The following SORBS2 variants were observed in gnomAD, a reference collection of about 807,000 sequenced individuals.
SORBS2 encodes sorbin and SH3 domain containing 2, also known as sorbin and SH3 domain-containing protein 2.
A neutral mutation model predicts 97.7 loss-of-function variants in SORBS2; 46 were observed. That is an observed-to-expected ratio of 0.47 (90% CI 0.37 to 0.60). SORBS2 has a LOEUF of 0.60. Ranked by LOEUF, SORBS2 falls within the 20% of genes least tolerant of loss-of-function variation. The pLI, the probability that SORBS2 is intolerant of heterozygous loss-of-function variation, is 0.00. For missense variants in SORBS2, 1,316 were observed against 1,282.3 expected, an observed-to-expected ratio of 1.03 and a Z score of -0.40; for synonymous variants, 476 against 473.4, an observed-to-expected ratio of 1.01 and a Z score of -0.07.
At chr4:185,884,669 A>G (rs1448125474) in intron 1 of SORBS2, among the ~76,000 whole-genome samples, 1 of 152,148 alleles carries the variant, frequency 6.6e-6, no homozygotes, top group African/African-American at 2.4e-5. Flanking sequence ...CATCTAGACT[A>G]TGGTTTCCTC....
At chr4:185,698,740 G>C (rs765206796) in intron 2 of SORBS2, among the ~76,000 whole-genome samples, 1 of 152,140 alleles carries the variant, frequency 6.6e-6, no homozygotes, top group Non-Finnish European at 1.5e-5. Context: ...GAAAACAGTG[G>C]TTGATTATGA....
chr4:185,701,108 T>C (rs1259595058), intron 2 of SORBS2, among the ~76,000 whole-genome samples: 1 of 152,240 alleles, frequency 6.6e-6, no homozygotes, highest in African/African-American at 2.4e-5. Context: ...TTAACATATG[T>C]AGTGAAATCC....
chr4:185,686,335 T>G (rs1331844247), intron 2 of SORBS2, among the ~76,000 whole-genome samples: 1 of 152,180 alleles, frequency 6.6e-6, no homozygotes, highest in Non-Finnish European at 1.5e-5. Flanking sequence ...TTAAAAGCAG[T>G]GGAGTGATTC....
chr4:185,742,847 G>A (rs7696000), intron 2 of SORBS2, among the ~76,000 whole-genome samples: 4,080 of 152,272 alleles, frequency 0.027, 178 homozygotes, highest in African/African-American at 0.093. Context: ...ACTTGATGTG[G>A]GATTTGCACA....
chr4:185,866,225 T>A (rs148017201), intron 1 of SORBS2, among the ~76,000 whole-genome samples: 9 of 152,316 alleles, frequency 5.9e-5, no homozygotes, highest in Middle Eastern at 3.4e-3. Context: ...AGTGCTGAGA[T>A]TAAATGTGCC....
intron 1 of SORBS2, among the ~76,000 whole-genome samples, chr4:185,850,790 G>A (rs1267730705): frequency 6.6e-6 from 1 of 152,096 alleles, no homozygotes. Context: ...TGTCTGTGAG[G>A]GTGTTTCTGG....
chr4:185,931,740 G>A (rs1439701580), intron 1 of SORBS2, among the ~76,000 whole-genome samples: 1 of 151,986 alleles, frequency 6.6e-6, no homozygotes, highest in Non-Finnish European at 1.5e-5. Flanking sequence ...TGAGGTTAGG[G>A]AGAGAGTCAC....
intron 1 of SORBS2, among the ~76,000 whole-genome samples, chr4:185,884,100 T>C (rs1293936337): frequency 6.6e-6 from 1 of 152,150 alleles, no homozygotes; most frequent in Non-Finnish European, 1.5e-5. Flanking sequence ...ATATTCTGTA[T>C]CTGGATTGTG....
At chr4:185,821,944 T>C (rs932572597) in intron 1 of SORBS2, among the ~76,000 whole-genome samples, 1 of 152,152 alleles carries the variant, frequency 6.6e-6, no homozygotes, top group African/African-American at 2.4e-5. Context: ...ATCAACAAAA[T>C]GAAGGACCCA....
At chr4:185,668,541 C>G (rs1486467768) in intron 4 of SORBS2, among the ~76,000 whole-genome samples, 1 of 152,162 alleles carries the variant, frequency 6.6e-6, no homozygotes, top group Non-Finnish European at 1.5e-5. Flanking sequence ...AAAGCTTTGA[C>G]AAGACCCCAA....
chr4:185,951,301 G>A (rs2099277115), intron 1 of SORBS2, among the ~76,000 whole-genome samples: 1 of 152,164 alleles, frequency 6.6e-6, no homozygotes, highest in South Asian at 2.1e-4. Context: ...GGGCGACACA[G>A]GACCATGCCT....
chr4:185,781,581 T>C (rs115703965), intron 1 of SORBS2, among the ~76,000 whole-genome samples: 1,382 of 122,842 alleles, frequency 0.011, 8 homozygotes, highest in Middle Eastern at 0.019. Context: ...CCATTGCCTC[T>C]GGCCCCTCCA....
At chr4:185,669,928 CAT>C (rs926274786) in intron 4 of SORBS2, among the ~76,000 whole-genome samples, 100 of 152,262 alleles carry the variant, frequency 6.6e-4, no homozygotes, top group African/African-American at 2.3e-3. Flanking sequence ...GTGAAGTAAA[CAT>C]GTAATAGGGC....
intron 2 of SORBS2, among the ~76,000 whole-genome samples, chr4:185,679,732 T>C (rs2097844807): frequency 6.6e-6 from 1 of 152,210 alleles, no homozygotes. Flanking sequence ...CTTCTACGTG[T>C]TCCCCAGGAC....
At chr4:185,669,679 CA>C (rs1044678521) in intron 4 of SORBS2, among the ~76,000 whole-genome samples, 1 of 151,800 alleles carries the variant, frequency 6.6e-6, no homozygotes. Flanking sequence ...AACATCAATG[CA>C]AAAAAGCAAA....
intron 2 of SORBS2, among the ~76,000 whole-genome samples, chr4:185,704,059 T>G (rs2098303948): frequency 6.6e-6 from 1 of 152,354 alleles, no homozygotes; most frequent in African/African-American, 2.4e-5. Flanking sequence ...AAAAGGTTTA[T>G]TTTGTGTAGT....
intron 11 of SORBS2, among the ~76,000 whole-genome samples, chr4:185,613,837 GC>G (rs1488030650): frequency 6.6e-6 from 1 of 152,010 alleles, no homozygotes; most frequent in Non-Finnish European, 1.5e-5. Context: ...GCTAGGTGGG[GC>G]AGCCCAGAGG....
At chr4:185,893,270 T>C (rs1053051070) in intron 1 of SORBS2, among the ~76,000 whole-genome samples, 3 of 152,154 alleles carry the variant, frequency 2.0e-5, no homozygotes, top group African/African-American at 7.2e-5. Flanking sequence ...GTGAGAGGGC[T>C]TGACATGGGA....
chr4:185,659,589 T>C (rs573864253), upstream of SORBS2, among the ~76,000 whole-genome samples: 1 of 151,610 alleles, frequency 6.6e-6, no homozygotes, highest in Non-Finnish European at 1.5e-5. Flanking sequence ...GCTAATTTTT[T>C]TTTTTGTATT....
Sources: allele counts gnomAD v4.1 joint callset (sites outside exome capture counted in the v4.1 genomes callset), GRCh38; gene constraint gnomAD v4.1.1; transcripts MANE v1.5; gene names NCBI Gene and HGNC (gene_info 2026-07-23, HGNC 2026-07-21).